The following TBC1D15 variants were observed in gnomAD, a reference collection of about 807,000 sequenced individuals.
TBC1D15 encodes the protein TBC1 domain family member 15, also known as GAP for RAB7.
A neutral mutation model predicts 95.4 loss-of-function variants in TBC1D15; 39 were observed. That is an observed-to-expected ratio of 0.41 (90% CI 0.32 to 0.53). The LOEUF (loss-of-function observed/expected upper bound fraction) is 0.53. TBC1D15 is among the 20% of genes least tolerant of loss of function. The probability of loss-of-function intolerance (pLI) is 0.29; values close to 1 mark genes in which losing one functional copy is unlikely to be tolerated. For synonymous variants in TBC1D15, 258 were observed against 261.3 expected (o/e 0.99, Z 0.12); for missense variants, 733 against 794.3 (o/e 0.92, Z 0.93).
intron 1 of TBC1D15, among the ~76,000 whole-genome samples, chr12:71,850,984 CA>C (rs1206992856): frequency 0.11 from 5,338 of 46,888 alleles, 74 homozygotes; most frequent in African/African-American, 0.2. Flanking sequence ...CACTCCATCT[CA>C]AAAAAAAAAA....
intron 5 of TBC1D15, among the ~76,000 whole-genome samples, chr12:71,885,499 CA>C (rs1896052418): frequency 6.6e-6 from 1 of 152,196 alleles, no homozygotes; most frequent in African/African-American, 2.4e-5. Flanking sequence ...TCTGTACACA[CA>C]CATGCTTCCT....
At chr12:71,889,759 ATAGG>A (rs1243898680) in intron 5 of TBC1D15, among the ~76,000 whole-genome samples, 1 of 152,098 alleles carries the variant, frequency 6.6e-6, no homozygotes, top group Non-Finnish European at 1.5e-5. Context: ...ATAGTATCTG[ATAGG>A]TAGTTTTTCT....
chr12:71,885,082 A>C, intron 5 of TBC1D15, 61 bp downstream of exon 5: 1 of 1,538,130 alleles, frequency 6.5e-7, no homozygotes, highest in Non-Finnish European at 8.9e-7. Flanking sequence ...CCCAAAGCAA[A>C]CTATTTTTAC....
At chr12:71,855,912 C>A (rs892284582) in intron 1 of TBC1D15, among the ~76,000 whole-genome samples, 1 of 148,412 alleles carries the variant, frequency 6.7e-6, no homozygotes, top group Non-Finnish European at 1.5e-5. Flanking sequence ...TCAGTTGCAC[C>A]TTTTGTCTTG....
intron 16 of TBC1D15, among the ~76,000 whole-genome samples, chr12:71,922,759 A>C (rs1212176835): frequency 6.6e-6 from 1 of 152,206 alleles, no homozygotes; most frequent in East Asian, 1.9e-4. Flanking sequence ...GGTGGGATGG[A>C]GAGTGACTAA....
intron 14 of TBC1D15, among the ~76,000 whole-genome samples, chr12:71,919,656 G>A (rs372265774): frequency 1.4e-4 from 22 of 152,228 alleles, no homozygotes; most frequent in African/African-American, 4.6e-4. Context: ...GTACTTAAAT[G>A]TTTATCAGTT....
intron 2 of TBC1D15, among the ~76,000 whole-genome samples, chr12:71,872,384 T>C (rs547812949): frequency 6.6e-6 from 1 of 152,310 alleles, no homozygotes; most frequent in South Asian, 2.1e-4. Flanking sequence ...ATTGAAGATA[T>C]TGTTTATCAA....
Position 71,918,488 on chromosome 12 carries a change from G to T in TBC1D15, c.1539G>T (p.Arg513Ser). The T allele has an allele frequency of 6.2e-7, 1 of 1,607,976 alleles. No homozygotes were observed. The highest frequency in any genetic ancestry group is 8.5e-7 in the Non-Finnish European group (1 of 1,177,702). ...CTGGATACCTTTATTTTTGCTTCAG[G>T]TGGCTTTTAATCAGATTCAAAAGGG... Reference protein sequence around the residue: ...QDSGYLYFCFRWLLIRFKREF... With the variant: ...QDSGYLYFCFSWLLIRFKREF... Residue 513 changes from arginine (R) to serine (S), a missense_variant, in exon 14 of 17, where the codon AGG becomes AGT. Coordinates refer to ENST00000485960, the MANE Select transcript of TBC1D15 (RefSeq NM_001146213.3).
intron 11 of TBC1D15, among the ~76,000 whole-genome samples, chr12:71,910,349 T>A (rs1901903480): frequency 6.7e-6 from 1 of 149,054 alleles, no homozygotes; most frequent in Non-Finnish European, 1.5e-5. Flanking sequence ...ATGCAGGCTC[T>A]TTTTTGGTTC....
chr12:71,861,327 T>C (rs1019778923), intron 1 of TBC1D15: 2 of 592,172 alleles, frequency 3.4e-6, no homozygotes, highest in African/African-American at 1.9e-5. Flanking sequence ...AGTGAAGCCA[T>C]TGGGTTTTGG....
intron 11 of TBC1D15, among the ~76,000 whole-genome samples, chr12:71,911,506 A>C (rs1013495842): frequency 2.0e-5 from 3 of 151,638 alleles, no homozygotes; most frequent in African/African-American, 7.3e-5. Context: ...CATCATTCTC[A>C]GTAAACTATC....
Position 71,879,593 on chromosome 12 carries a change from G to A in TBC1D15, c.205-876G>A, listed in dbSNP as rs901909481. Among the ~76,000 whole-genome samples, 7 of 152,262 alleles carry A rather than the reference G, an allele frequency of 4.6e-5. No individual in the cohort carries two copies. In the South Asian group the frequency reaches 6.2e-4, roughly 14 times the overall value. ...AGTGTGAGATGGTCCATTTCCTCAC[G>A]TTGTCTTCCATATTTGATATTATCT... On this transcript the variant is annotated intron_variant, in intron 3 of 16. Coordinates refer to ENST00000485960, the MANE Select transcript of TBC1D15 (RefSeq NM_001146213.3).
At chr12:71,871,341 C>G (rs1565980390) in intron 1 of TBC1D15, among the ~76,000 whole-genome samples, 1 of 152,074 alleles carries the variant, frequency 6.6e-6, no homozygotes, top group East Asian at 1.9e-4. Context: ...CATCACTACT[C>G]TGTTTATTTT....
chr12:71,921,655 A>T (rs1869399353), intron 16 of TBC1D15, among the ~76,000 whole-genome samples: 1 of 152,232 alleles, frequency 6.6e-6, no homozygotes, highest in South Asian at 2.1e-4. Flanking sequence ...GAAACAGCTA[A>T]TAATAAGGCA....
chr12:71,856,831 A>G (rs957801029), intron 1 of TBC1D15, among the ~76,000 whole-genome samples: 12 of 152,116 alleles, frequency 7.9e-5, no homozygotes, highest in African/African-American at 2.9e-4. Flanking sequence ...AGCCTTTTTC[A>G]TTATGTACTC....
intron 8 of TBC1D15, chr12:71,896,290 C>A (rs953913275): frequency 1.3e-5 from 6 of 445,898 alleles, no homozygotes; most frequent in African/African-American, 4.0e-5. Context: ...TTATGATGTT[C>A]CTGGGGGTTG....
chr12:71,914,788 CAG>C (rs1903283105), intron 12 of TBC1D15, among the ~76,000 whole-genome samples: 1 of 152,014 alleles, frequency 6.6e-6, no homozygotes, highest in African/African-American at 2.4e-5. Context: ...GGGTTTAACT[CAG>C]AGTTTCTGGG....
chr12:71,847,108 G>A (rs1424045284), intron 1 of TBC1D15, among the ~76,000 whole-genome samples: 2 of 151,950 alleles, frequency 1.3e-5, no homozygotes, highest in South Asian at 4.2e-4. Flanking sequence ...CATGTATTTA[G>A]AGTATACAAC....
At chr12:71,906,732 T>G (rs1218824814) in intron 10 of TBC1D15, among the ~76,000 whole-genome samples, 2 of 152,174 alleles carry the variant, frequency 1.3e-5, no homozygotes, top group Non-Finnish European at 2.9e-5. Context: ...GTGTTGCTTT[T>G]AATTCATTGA....
Sources: gnomAD v4.1 joint callset for allele counts (sites outside exome capture counted in the v4.1 genomes callset) on GRCh38, gnomAD v4.1.1 for gene constraint, MANE v1.5 for transcripts, NCBI Gene and HGNC (gene_info 2026-07-23, HGNC 2026-07-21) for gene names.